Variants in HNRNPA2B1 observed in about 807,000 individuals in gnomAD.
HNRNPA2B1 encodes the protein heterogeneous nuclear ribonucleoprotein A2/B1, also known as heterogeneous nuclear ribonucleoproteins A2/B1.
HNRNPA2B1 carries 3 observed loss-of-function variants against 46.3 expected under a neutral mutation model. That is an observed-to-expected ratio of 0.06 (90% CI 0.03 to 0.17). HNRNPA2B1 has a LOEUF of 0.17. HNRNPA2B1 is among the 10% of genes least tolerant of loss of function. The pLI is 1.00. For missense variants in HNRNPA2B1, 221 were observed against 418.9 expected, an observed-to-expected ratio of 0.53 and a Z score of 4.12; for synonymous variants, 225 against 133.8, an observed-to-expected ratio of 1.68 and a Z score of -4.70.
At chr7:26,197,935 C>T in intron 1 of HNRNPA2B1, 1 of 1,058,420 alleles carries the variant, frequency 9.4e-7, no homozygotes, top group Non-Finnish European at 1.3e-6. Context: ...TTGTGTTACA[C>T]CAAAAAATTG....
In HNRNPA2B1 at chr7:26,196,548, TA is replaced by T; in HGVS notation, c.577+8del. Reference sequence around the variant, plus strand: ...AACAAAAATAAAGAAGAAACAGAATTAAAATTACCTCCTCTTCCACTCCTAG... The same window carrying T: ...AACAAAAATAAAGAAGAAACAGAATTAAATTACCTCCTCTTCCACTCCTAG... On this transcript the variant is annotated splice_region_variant and intron_variant, in intron 5 of 10. Transcript: ENST00000618183. 6.2e-7 allele frequency: 1 copy of T among 1,612,654 alleles called. No individual in the cohort carries two copies. The highest frequency in any genetic ancestry group is 2.2e-5 in the East Asian group (1 of 44,868).
At position 26,192,317 on chromosome 7, in the gene HNRNPA2B1, TCTC is replaced by T. The variant is rs1782990378; in HGVS notation, c.*40_*42del. On this transcript the variant is annotated 3_prime_UTR_variant, in exon 11 of 11. Coordinates refer to ENST00000618183, the MANE Select transcript of HNRNPA2B1 (RefSeq NM_002137.4). ...TTCTGTTACCTCTGGGCTCTCATCC[TCTC>T]CTATTTATACAGTGAAGCCTGTTTC... 2 of 563,792 alleles carry T rather than the reference TCTC, an allele frequency of 3.5e-6. No individual in the cohort carries two copies. The highest frequency in any genetic ancestry group is 3.1e-5 in the Admixed American group (1 of 31,774). The allele number at this position is 563,792 out of a possible 1,614,324, so 34.9% of individuals were successfully genotyped here.
intron 10 of HNRNPA2B1, 33 bp downstream of exon 10, chr7:26,192,462 T>C: frequency 3.6e-6 from 5 of 1,406,100 alleles, no homozygotes; most frequent in Non-Finnish European, 5.0e-6. Context: ...TCTCCCAAGA[T>C]AATAATAATT....
chr7:26,198,303 A>C (rs1340219912), intron 1 of HNRNPA2B1: 1 of 154,014 alleles, frequency 6.5e-6, no homozygotes, highest in African/African-American at 2.4e-5. Flanking sequence ...TTTACAACAA[A>C]CACTAAGTTT....
intron 6 of HNRNPA2B1, 71 bp downstream of exon 6, chr7:26,196,330 C>T: frequency 1.6e-6 from 2 of 1,246,460 alleles, no homozygotes; most frequent in South Asian, 1.3e-5. Context: ...CTTGATTCTA[C>T]TAATGAAAAC....
At chr7:26,195,775 T>TA in intron 7 of HNRNPA2B1, 72 bp downstream of exon 7, 1 of 1,507,006 alleles carries the variant, frequency 6.6e-7, no homozygotes, top group East Asian at 2.5e-5. Flanking sequence ...ACTCAAAATA[T>TA]AAATGAAGTA....
At chr7:26,200,391 G>A (rs900631728) in intron 1 of HNRNPA2B1, 181 bp downstream of exon 1, 9 of 693,928 alleles carry the variant, frequency 1.3e-5, no homozygotes, top group African/African-American at 5.3e-5. Context: ...TGAGGGTGGG[G>A]AAGCTGTTTG....
chr7:26,198,269 A>G (rs1377972614), intron 1 of HNRNPA2B1: 1 of 156,296 alleles, frequency 6.4e-6, no homozygotes, highest in Non-Finnish European at 1.4e-5. Flanking sequence ...GATTCTAAGT[A>G]TCTCAGCCAA....
In HNRNPA2B1 at chr7:26,190,838, T is replaced by C. The variant is rs2128104503; in HGVS notation, c.*1522A>G. ...CTACCTTCTTTCAGTCTCATCCTGA[T>C]AAGCATGTACAGTTACAACCATAAA... On this transcript the variant is annotated 3_prime_UTR_variant, in exon 11 of 11. Transcript: ENST00000618183. 6.6e-6 allele frequency: 1 copy of C among 152,614 alleles called. No homozygotes were observed. Among genetic ancestry groups the C allele is most frequent in the South Asian group, 2.1e-4 (1 of 4,828 alleles). 9.5% of individuals were successfully genotyped at this position (152,614 alleles called of 1,614,324 possible).
rs921800602 is a variant in HNRNPA2B1, at chr7:26,191,154, GAT to G, written c.*1204_*1205del. ...CTAAAATTCCGGCAGGGAAAAAAAT[GAT>G]ATGTTAAGCACCCAAATCTTCACAT... On this transcript the variant is annotated 3_prime_UTR_variant, in exon 11 of 11. Transcript: ENST00000618183. The G allele has an allele frequency of 2.9e-5, 4 of 138,990 alleles. No individual in the cohort carries two copies. Among genetic ancestry groups the G allele is most frequent in the African/African-American group, 5.2e-5 (2 of 38,146 alleles). 8.6% of individuals were successfully genotyped at this position (138,990 alleles called of 1,614,324 possible).
intron 1 of HNRNPA2B1, chr7:26,197,941 A>C: frequency 1.1e-5 from 10 of 926,420 alleles, no homozygotes; most frequent in Non-Finnish European, 1.4e-5. Flanking sequence ...TACACCAAAA[A>C]ATTGCCTCAG....
Position 26,200,712 on chromosome 7 carries a change from A to G in HNRNPA2B1, c.-135T>C, listed in dbSNP as rs1049026615. 2 of 1,128,606 alleles carry G rather than the reference A, an allele frequency of 1.8e-6. No homozygotes were observed. The highest frequency in any genetic ancestry group is 2.3e-5 in the East Asian group (1 of 42,644). The allele number at this position is 1,128,606 out of a possible 1,614,324, so 69.9% of individuals were successfully genotyped here. A position where few individuals can be genotyped will look rare whatever the true frequency, so the allele number is the denominator to read the frequency against. On this transcript the variant is annotated 5_prime_UTR_variant, in exon 1 of 11. Coordinates refer to ENST00000618183, the MANE Select transcript of HNRNPA2B1 (RefSeq NM_002137.4). ...CTGCTCGAGAAACAACTCTGCGAGGAGCACCTCCGCACGGGACCCGGCGCT... is the reference window on the plus strand; with the variant it reads ...CTGCTCGAGAAACAACTCTGCGAGGGGCACCTCCGCACGGGACCCGGCGCT...
At chr7:26,195,643 T>C (rs1201958827) in intron 7 of HNRNPA2B1, 3 of 552,608 alleles carry the variant, frequency 5.4e-6, no homozygotes, top group Non-Finnish European at 9.5e-6. Context: ...TATCTTTACA[T>C]TTTCATTTAA....
intron 1 of HNRNPA2B1, chr7:26,199,282 AG>A (rs1181427506): frequency 1.4e-4 from 21 of 152,630 alleles, no homozygotes; most frequent in Admixed American, 6.5e-5. Flanking sequence ...ATAACCAGGT[AG>A]ACCCCCTTCG....
chr7:26,200,332 A>T (rs1229143941), intron 1 of HNRNPA2B1: 1 of 572,794 alleles, frequency 1.7e-6, no homozygotes, highest in Non-Finnish European at 3.1e-6. Flanking sequence ...CCGCCATGTG[A>T]AAGCTCCCCA....
In HNRNPA2B1 at chr7:26,190,227, C is replaced by A. The variant is rs1475938608; in HGVS notation, c.*2133G>T. 1 of 152,600 alleles carries A rather than the reference C, an allele frequency of 6.6e-6. No individual in the cohort carries two copies. 9.5% of individuals were successfully genotyped at this position (152,600 alleles called of 1,614,324 possible). A position where few individuals can be genotyped will look rare whatever the true frequency, so the allele number is the denominator to read the frequency against. ...TTTAAAACATGATACATTTATCTCT[C>A]TAGCCAATTTGATGTTACTGTTTTA... On this transcript the variant is annotated 3_prime_UTR_variant, in exon 11 of 11. Coordinates refer to ENST00000618183, the MANE Select transcript of HNRNPA2B1 (RefSeq NM_002137.4).
In HNRNPA2B1 at chr7:26,191,724, AAC is replaced by A. The variant is rs1782936251; in HGVS notation, c.*634_*635del. On this transcript the variant is annotated 3_prime_UTR_variant, in exon 11 of 11. Coordinates refer to ENST00000618183, the MANE Select transcript of HNRNPA2B1 (RefSeq NM_002137.4). ...AATTTAATCCTGATGAATTGCAGAC[AAC>A]ACACTTACATCTGACCAGCATTTAT... 1 of 152,358 alleles carries A rather than the reference AAC, an allele frequency of 6.6e-6. No individual in the cohort carries two copies. The highest frequency in any genetic ancestry group is 6.5e-5 in the Admixed American group (1 of 15,288). 9.4% of individuals were successfully genotyped at this position (152,358 alleles called of 1,614,324 possible).
rs1182485259 is a variant in HNRNPA2B1, at chr7:26,195,853, G to A, written c.715C>T (p.Pro239Ser). The A allele has an allele frequency of 5.0e-6, 8 of 1,610,516 alleles. No homozygotes were observed. The Admixed American group carries it at 1.0e-4, about 20-fold the overall frequency. ...AACGTAGAGGAAAACTGACCTCCAG[G>A]TCCTCCTCCATACCCATTATAGCCA... Reference protein sequence around the residue: ...GDGYNGYGGGPGGGNFGGSPG... With the variant: ...GDGYNGYGGGSGGGNFGGSPG... The change falls in exon 7 of 11, where the codon CCT becomes TCT. Residue 239 changes from proline (P) to serine (S), a missense_variant. This residue lies in a region of HNRNPA2B1 where 143 missense variants were observed against 200.5 expected (regional missense o/e 0.71). Coordinates refer to ENST00000618183, the MANE Select transcript of HNRNPA2B1 (RefSeq NM_002137.4).
chr7:26,194,414 C>CT (rs1198007601), intron 7 of HNRNPA2B1, among the ~76,000 whole-genome samples: 1 of 151,784 alleles, frequency 6.6e-6, no homozygotes, highest in East Asian at 1.9e-4. Context: ...AAACAATGTT[C>CT]TTGGCTGGGC....
Sources: gnomAD v4.1 joint callset for allele counts (sites outside exome capture counted in the v4.1 genomes callset) on GRCh38, gnomAD v4.1.1 for gene constraint, gnomAD v4.1.1 regional missense constraint, MANE v1.5 for transcripts, NCBI Gene and HGNC (gene_info 2026-07-23, HGNC 2026-07-21) for gene names.